Variants in ETHE1 observed in about 807,000 individuals in gnomAD.
ETHE1 encodes persulfide dioxygenase ETHE1, mitochondrial.
In ETHE1, 16 loss-of-function variants were observed where a neutral mutation model predicts 25.7. The ratio of observed to expected loss-of-function variants is 0.62; its 90% confidence interval spans 0.42 to 0.95. The LOEUF is 0.95. Among genes scored for constraint, ETHE1 ranks in the 40% least tolerant of loss-of-function variants. The pLI, the probability that ETHE1 is intolerant of heterozygous loss-of-function variation, is 0.00. For missense variants in ETHE1, 300 were observed against 333.6 expected (o/e 0.90, Z 0.79); for synonymous variants, 139 against 135.9 (o/e 1.02, Z -0.16).
At chr19:43,512,941 C>T (rs1371123332) in intron 3 of ETHE1, among the ~76,000 whole-genome samples, 2 of 152,236 alleles carry the variant, frequency 1.3e-5, no homozygotes, top group Admixed American at 1.3e-4. Flanking sequence ...GGCCCATGGC[C>T]TTGCTGTTTT....
intron 3 of ETHE1, among the ~76,000 whole-genome samples, chr19:43,522,955 C>G (rs1401850168): frequency 1.3e-5 from 2 of 152,038 alleles, no homozygotes; most frequent in Non-Finnish European, 2.9e-5. Flanking sequence ...AAAAAGGTGG[C>G]CAACTGCTGC....
intron 4 of ETHE1, among the ~76,000 whole-genome samples, chr19:43,510,129 C>G (rs948348234): frequency 6.6e-6 from 1 of 152,130 alleles, no homozygotes; most frequent in Non-Finnish European, 1.5e-5. Flanking sequence ...CACCTCTCCC[C>G]ACAAGACAGC....
intron 3 of ETHE1, among the ~76,000 whole-genome samples, chr19:43,523,193 G>A (rs1325314547): frequency 6.6e-6 from 1 of 152,162 alleles, no homozygotes; most frequent in Non-Finnish European, 1.5e-5. Flanking sequence ...GTTCTGTATC[G>A]GGATCTGGGT....
At chr19:43,522,989 A>ATATATATATT (rs1972165358) in intron 3 of ETHE1, among the ~76,000 whole-genome samples, 5 of 152,140 alleles carry the variant, frequency 3.3e-5, no homozygotes, top group Admixed American at 2.0e-4. Flanking sequence ...GAAGGAAAGA[A>ATATATATATT]CTCCAAGTAT....
rs181881741 is a variant in ETHE1 at position 43,510,757 on chromosome 19, G to A, written c.505+680C>T. ...AATCTAACTGTCCCCCAACAGCTAAGCCCCTGAATCTAACTCTTCCCATAC... is the reference window on the plus strand; with the variant it reads ...AATCTAACTGTCCCCCAACAGCTAAACCCCTGAATCTAACTCTTCCCATAC... On this transcript the variant is annotated intron_variant, in intron 4 of 6. Coordinates refer to ENST00000292147, the MANE Select transcript of ETHE1 (RefSeq NM_014297.5). 2.6e-5 allele frequency among the ~76,000 whole-genome samples: 4 copies of A among 151,838 alleles called. No homozygotes were observed. The East Asian group carries it at 7.8e-4, about 29-fold the overall frequency.
chr19:43,526,850 A>C (rs1173523084), intron 1 of ETHE1, 191 bp from the exon 2 acceptor site: 1 of 1,475,146 alleles, frequency 6.8e-7, no homozygotes, highest in East Asian at 2.5e-5. Flanking sequence ...CAACTTCCTA[A>C]CATCCCAAAA....
In ETHE1 at chr19:43,511,471, C is replaced by T. The variant is rs761398149; in HGVS notation, c.471G>A (p.Leu157=). The T allele has an allele frequency of 1.2e-5, 20 of 1,614,090 alleles. No individual in the cohort carries two copies. The highest frequency in any genetic ancestry group is 1.2e-4 in the South Asian group (11 of 91,092). The change falls in exon 4 of 7, where the codon TTG becomes TTA. Residue 157 remains leucine (L), a synonymous_variant. Coordinates refer to ENST00000292147, the MANE Select transcript of ETHE1 (RefSeq NM_014297.5). The part of the protein sequence containing the change: ...HSMAFTGDAL[L]IRGCGRTDFQ... ...AGTCTGTCCGCCCACACCCACGGAT[C>T]AACAGGGCATCTCCAGTGAAGGCCA...
chr19:43,526,367 G>A lies in ETHE1; in HGVS notation c.227-18C>T. 1 of 1,614,048 alleles carries A rather than the reference G, an allele frequency of 6.2e-7. No homozygotes were observed. Reference sequence around the variant, plus strand: ...GGTATTCACTGGGAGAGAGAGGAGGGACAGGTCCGGAGGGTACAGAAAGGA... The same window carrying A: ...GGTATTCACTGGGAGAGAGAGGAGGAACAGGTCCGGAGGGTACAGAAAGGA... On this transcript the variant is annotated intron_variant, in intron 2 of 6. Transcript: ENST00000292147.
chr19:43,525,913 A>G lies in ETHE1; in HGVS notation c.375+288T>C, dbSNP rs1972233544. Reference sequence around the variant, plus strand: ...CAGCCCCTAATCAACTTTTATGGAGATGCATGCCAGGCCAAAGGGCTGCCC... The same window carrying G: ...CAGCCCCTAATCAACTTTTATGGAGGTGCATGCCAGGCCAAAGGGCTGCCC... On this transcript the variant is annotated intron_variant, in intron 3 of 6. Coordinates refer to ENST00000292147, the MANE Select transcript of ETHE1 (RefSeq NM_014297.5). 3 of 490,000 alleles carry G rather than the reference A, an allele frequency of 6.1e-6. No homozygotes were observed. In the East Asian group the frequency reaches 1.2e-4, roughly 19 times the overall value. The allele number at this position is 490,000 out of a possible 1,614,324, so 30.4% of individuals were successfully genotyped here. A position where few individuals can be genotyped will look rare whatever the true frequency, so the allele number is the denominator to read the frequency against.
chr19:43,510,146 C>T (rs747911604), intron 4 of ETHE1, among the ~76,000 whole-genome samples: 9 of 152,102 alleles, frequency 5.9e-5, no homozygotes, highest in Non-Finnish European at 1.0e-4. Flanking sequence ...CAGCTAAATT[C>T]CAGGCCTAGT....
intron 4 of ETHE1, among the ~76,000 whole-genome samples, chr19:43,510,378 C>T (rs113068155): frequency 0.17 from 25,480 of 148,662 alleles, 2,297 homozygotes; most frequent in Non-Finnish European, 0.19. Flanking sequence ...CTCTGTCACC[C>T]AGGCTGGAGT....
At chr19:43,508,730 T>C (rs1283427246) in intron 5 of ETHE1, 45 bp downstream of exon 5, 1 of 1,454,304 alleles carries the variant, frequency 6.9e-7, no homozygotes, top group South Asian at 1.2e-5. Context: ...TACACTCCAC[T>C]TTCAAAGTTA....
intron 3 of ETHE1, among the ~76,000 whole-genome samples, chr19:43,517,099 C>T (rs375048137): frequency 6.6e-6 from 1 of 151,792 alleles, no homozygotes. Context: ...GCTGGGATTA[C>T]AGGCATGAGC....
chr19:43,524,389 TAAA>T (rs771352458), intron 3 of ETHE1, among the ~76,000 whole-genome samples: 9 of 83,096 alleles, frequency 1.1e-4, no homozygotes, highest in East Asian at 3.2e-4. Context: ...TGTCTCAAAT[TAAA>T]AAAAAAAAAA....
chr19:43,518,212 C>A (rs1293287415), intron 3 of ETHE1, among the ~76,000 whole-genome samples: 1 of 151,722 alleles, frequency 6.6e-6, no homozygotes, highest in Non-Finnish European at 1.5e-5. Context: ...TCAATTGTAT[C>A]CTGGTTCCTA....
chr19:43,518,304 C>T (rs1234466434), intron 3 of ETHE1, among the ~76,000 whole-genome samples: 1 of 151,192 alleles, frequency 6.6e-6, no homozygotes, highest in Non-Finnish European at 1.5e-5. Context: ...ATCATTTGAG[C>T]CCAGGAGATT....
intron 3 of ETHE1, among the ~76,000 whole-genome samples, chr19:43,517,355 T>A: frequency 8.9e-3 from 1 of 112 alleles, no homozygotes; most frequent in Non-Finnish European, 0.019. Context: ...ATGTATTAAA[T>A]GCGGCCAGGC....
chr19:43,512,424 T>C (rs1307548566), intron 3 of ETHE1, among the ~76,000 whole-genome samples: 1 of 152,184 alleles, frequency 6.6e-6, no homozygotes, highest in Non-Finnish European at 1.5e-5. Context: ...AGGAACTTTT[T>C]GGGAACTGGG....
intron 3 of ETHE1, among the ~76,000 whole-genome samples, chr19:43,522,448 T>C (rs1415659382): frequency 2.6e-5 from 4 of 152,160 alleles, no homozygotes; most frequent in Non-Finnish European, 4.4e-5. Flanking sequence ...AAAAAACCTA[T>C]ATGAAATCCA....
Sources: gnomAD v4.1 joint callset for allele counts (sites outside exome capture counted in the v4.1 genomes callset) on GRCh38, gnomAD v4.1.1 for gene constraint, MANE v1.5 for transcripts, NCBI Gene and HGNC (gene_info 2026-07-23, HGNC 2026-07-21) for gene names.